The following KNTC1 variants were observed in gnomAD, a reference collection of about 807,000 sequenced individuals.
KNTC1 encodes the protein kinetochore associated 1, also known as kinetochore-associated protein 1.
KNTC1 carries 253 observed loss-of-function variants against 314.4 expected under a neutral mutation model. That is an observed-to-expected ratio of 0.80 (90% CI 0.73 to 0.89). The LOEUF is 0.89. Among genes scored for constraint, KNTC1 ranks in the 40% least tolerant of loss-of-function variants. The pLI is 0.00. For missense variants in KNTC1, 2,475 were observed against 2,572.9 expected (o/e 0.96, Z 0.82); for synonymous variants, 901 against 901.4 (o/e 1.00, Z 0.01).
intron 5 of KNTC1, among the ~76,000 whole-genome samples, chr12:122,541,155 C>G (rs1039426033): frequency 6.6e-6 from 1 of 151,730 alleles, no homozygotes; most frequent in Non-Finnish European, 1.5e-5. Flanking sequence ...CCATTGCACT[C>G]CAGCCTGGGA....
Position 122,573,164 on chromosome 12 carries a change from T to A in KNTC1, c.2162T>A (p.Phe721Tyr), listed in dbSNP as rs534237685. ...FEKENTTTIV[F>Y]RMFDKVLAPE... ...CAGGAAAATACAACCACCATAGTGT[T>A]CCGAATGTTTGATAAAGTGCTGGCC... Residue 721 changes from phenylalanine (F) to tyrosine (Y), a missense_variant, in exon 26 of 64, where the codon TTC becomes TAC. Phe to Tyr is a conservative substitution (Grantham distance 22, BLOSUM62 3). Coordinates refer to ENST00000333479, the MANE Select transcript of KNTC1 (RefSeq NM_014708.6). 1.5e-4 allele frequency: 241 copies of A among 1,613,936 alleles called. 2 individuals carry two copies. The East Asian group carries it at 4.7e-3, about 31-fold the overall frequency.
chr12:122,563,630 A>G (rs1276565670), intron 20 of KNTC1: 5 of 495,606 alleles, frequency 1.0e-5, no homozygotes, highest in Admixed American at 5.1e-5. Flanking sequence ...CCACCCTAGC[A>G]GCGAGAAGGG....
Position 122,594,504 on chromosome 12 carries a change from C to T in KNTC1, c.4355+119C>T, listed in dbSNP as rs1030237694. The T allele has an allele frequency of 4.3e-5, 27 of 627,206 alleles. No homozygotes were observed. In the Middle Eastern group the frequency reaches 1.2e-3, roughly 27 times the overall value. The allele number at this position is 627,206 out of a possible 1,614,324, so 38.9% of individuals were successfully genotyped here. A position where few individuals can be genotyped will look rare whatever the true frequency, so the allele number is the denominator to read the frequency against. The stretch of plus-strand genomic sequence containing the variant: ...CCATAGACCACTATTTTCTTTTGCT[C>T]ATTCCCAAACTGAGTAAATATGAAA... On this transcript the variant is annotated intron_variant, in intron 43 of 63. Transcript: ENST00000333479.
intron 53 of KNTC1, chr12:122,611,158 T>C: frequency 2.2e-6 from 1 of 457,200 alleles, no homozygotes; most frequent in South Asian, 2.6e-5. Flanking sequence ...GCATTCACAG[T>C]GGTTAACTCC....
chr12:122,576,204 C>T lies in KNTC1; in HGVS notation c.2586+305C>T, dbSNP rs543641031. Among the ~76,000 whole-genome samples the T allele has an allele frequency of 2.2e-3, 339 of 151,988 alleles. 1 individual carries two copies. The highest frequency in any genetic ancestry group is 3.0e-3 in the Non-Finnish European group (206 of 67,996). ...CCTCCTGAGTAGCTGGGATTACAGG[C>T]ATGCACTACCACGCTTGGCTAATTT... On this transcript the variant is annotated intron_variant, in intron 29 of 63. Transcript: ENST00000333479.
chr12:122,592,110 C>T (rs913381206), intron 42 of KNTC1, among the ~76,000 whole-genome samples: 1 of 151,354 alleles, frequency 6.6e-6, no homozygotes, highest in Non-Finnish European at 1.5e-5. Flanking sequence ...GCGGGCCCTG[C>T]ACTCGGAGCG....
intron 8 of KNTC1, among the ~76,000 whole-genome samples, chr12:122,545,406 T>C (rs1413498319): frequency 6.6e-6 from 1 of 151,186 alleles, no homozygotes; most frequent in Non-Finnish European, 1.5e-5. Context: ...AGTGAGATCC[T>C]GTCTCTAAAA....
intron 6 of KNTC1, among the ~76,000 whole-genome samples, chr12:122,542,689 C>T (rs907631715): frequency 6.6e-6 from 1 of 151,964 alleles, no homozygotes; most frequent in Non-Finnish European, 1.5e-5. Flanking sequence ...AATTTGAACC[C>T]AGGAGGCAGA....
rs1267719122 is a variant in KNTC1 at position 122,579,928 on chromosome 12, AGCGAAGACATCC to A, written c.2867_2878del (p.Ala956_Ser959del). ...AGGGCAAGGCCTGGAGAATGTCTGT[AGCGAAGACATCC>A]GTGGACATTCTTAAGATACTATGTG... is the stretch of plus-strand genomic sequence containing the variant. On this transcript the variant is annotated inframe_deletion, in exon 32 of 64. Coordinates refer to ENST00000333479, the MANE Select transcript of KNTC1 (RefSeq NM_014708.6). 1 of 1,610,948 alleles carries A rather than the reference AGCGAAGACATCC, an allele frequency of 6.2e-7. No individual in the cohort carries two copies. Among genetic ancestry groups the A allele is most frequent in the Non-Finnish European group, 8.5e-7 (1 of 1,177,540 alleles).
chr12:122,604,805 T>C, intron 49 of KNTC1, 72 bp from the exon 50 acceptor site: 1 of 1,444,032 alleles, frequency 6.9e-7, no homozygotes, highest in Admixed American at 2.0e-5. Flanking sequence ...TTGTGATTGA[T>C]AAAGATGGAT....
Position 122,539,770 on chromosome 12 carries a change from T to C in KNTC1, c.445+16T>C. 7.1e-7 allele frequency: 1 copy of C among 1,404,146 alleles called. No homozygotes were observed. 87.0% of individuals were successfully genotyped at this position (1,404,146 alleles called of 1,614,324 possible). A position where few individuals can be genotyped will look rare whatever the true frequency, so the allele number is the denominator to read the frequency against. On this transcript the variant is annotated intron_variant, in intron 5 of 63. Coordinates refer to ENST00000333479, the MANE Select transcript of KNTC1 (RefSeq NM_014708.6). ...TCAAATGAAGGTAAGTTTTCCTGAATTTTTTTTTGAATGACTTTTTTTTTT... is the reference window on the plus strand; with the variant it reads ...TCAAATGAAGGTAAGTTTTCCTGAACTTTTTTTTGAATGACTTTTTTTTTT...
At chr12:122,545,493 G>A (rs1962689149) in intron 8 of KNTC1, among the ~76,000 whole-genome samples, 1 of 151,640 alleles carries the variant, frequency 6.6e-6, no homozygotes, top group South Asian at 2.1e-4. Flanking sequence ...ATTTCACCAG[G>A]GTTTCAAAGA....
At chr12:122,615,109 G>A (rs746566397) in intron 56 of KNTC1, 23 bp downstream of exon 56, 14 of 1,516,866 alleles carry the variant, frequency 9.2e-6, no homozygotes, top group South Asian at 4.6e-5. Flanking sequence ...CAATGCCCTC[G>A]ACTAAGTATA....
chr12:122,543,486 A>G, intron 6 of KNTC1, 114 bp from the exon 7 acceptor site: 1 of 780,438 alleles, frequency 1.3e-6, no homozygotes, highest in Non-Finnish European at 2.0e-6. Context: ...CTTAATTCTC[A>G]CCAGTGTTCT....
intron 20 of KNTC1, among the ~76,000 whole-genome samples, chr12:122,566,677 T>C (rs1964364323): frequency 6.6e-6 from 1 of 151,428 alleles, no homozygotes. Flanking sequence ...CCCAAAGTGC[T>C]GGGTTACAGG....
intron 63 of KNTC1, among the ~76,000 whole-genome samples, chr12:122,625,974 G>C (rs1202420209): frequency 6.6e-6 from 1 of 152,142 alleles, no homozygotes; most frequent in African/African-American, 2.4e-5. Flanking sequence ...CTTACCTCCA[G>C]GTGGTTGTGC....
At chr12:122,607,549 C>T (rs550632935) in intron 51 of KNTC1, among the ~76,000 whole-genome samples, 1 of 152,092 alleles carries the variant, frequency 6.6e-6, no homozygotes, top group Non-Finnish European at 1.5e-5. Context: ...TGTGTTGTGC[C>T]CTCCTCAGGG....
At chr12:122,542,613 A>G (rs975966529) in intron 6 of KNTC1, among the ~76,000 whole-genome samples, 2 of 152,160 alleles carry the variant, frequency 1.3e-5, no homozygotes, top group Non-Finnish European at 2.9e-5. Context: ...TAAAAATACA[A>G]AATTAGCCAG....
chr12:122,571,703 C>T (rs949604230), intron 24 of KNTC1, among the ~76,000 whole-genome samples: 3 of 151,310 alleles, frequency 2.0e-5, no homozygotes, highest in Admixed American at 1.3e-4. Flanking sequence ...GGAGTCTCAC[C>T]CTGTTGCCCA....
Sources: allele counts gnomAD v4.1 joint callset (sites outside exome capture counted in the v4.1 genomes callset), GRCh38; gene constraint gnomAD v4.1.1; transcripts MANE v1.5; gene names NCBI Gene and HGNC (gene_info 2026-07-23, HGNC 2026-07-21).